The following CLNK variants were observed in gnomAD, a reference collection of about 807,000 sequenced individuals.
CLNK encodes cytokine dependent hematopoietic cell linker, also known as cytokine-dependent hematopoietic cell linker.
CLNK carries 74 observed loss-of-function variants against 68.6 expected under a neutral mutation model. The observed-to-expected ratio is 1.08, with a 90% confidence interval of 0.89 to 1.31. The LOEUF (loss-of-function observed/expected upper bound fraction) is 1.31, where lower values mean the gene tolerates loss of function less well. CLNK is among the 50% of genes most tolerant of loss of function. The probability of loss-of-function intolerance (pLI) is 0.00; values close to 1 mark genes in which losing one functional copy is unlikely to be tolerated. For synonymous variants in CLNK, 198 were observed against 172.2 expected, an observed-to-expected ratio of 1.15 and a Z score of -1.17; for missense variants, 553 against 515.3, an observed-to-expected ratio of 1.07 and a Z score of -0.71.
chr4:10,560,708 C>A (rs940250186), intron 7 of CLNK, among the ~76,000 whole-genome samples: 1 of 152,062 alleles, frequency 6.6e-6, no homozygotes, highest in Admixed American at 6.5e-5. Context: ...CCTCCCAAAA[C>A]GTGGGGACTA....
chr4:10,671,231 A>G (rs1724622820), intron 1 of CLNK, among the ~76,000 whole-genome samples: 1 of 152,096 alleles, frequency 6.6e-6, no homozygotes, highest in Non-Finnish European at 1.5e-5. Flanking sequence ...CTAAAAATAC[A>G]AAAACTGAGC....
chr4:10,697,772 G>C, the CLNK span: 2 of 152,120 alleles, frequency 1.3e-5, no homozygotes, highest in African/African-American at 4.8e-5. Flanking sequence ...CACTCTCCTG[G>C]GAACATTGAA....
intron 2 of CLNK, among the ~76,000 whole-genome samples, chr4:10,618,624 A>G (rs1296605523): frequency 6.6e-6 from 1 of 152,240 alleles, no homozygotes; most frequent in Non-Finnish European, 1.5e-5. Flanking sequence ...ACGGTTCTGC[A>G]GGCTGTACGG....
intron 2 of CLNK, among the ~76,000 whole-genome samples, chr4:10,601,440 C>T (rs906329813): frequency 1.3e-5 from 2 of 152,184 alleles, no homozygotes; most frequent in Admixed American, 6.5e-5. Flanking sequence ...TTGAAAATTA[C>T]TTACAAAGAG....
At chr4:10,574,108 T>A (rs1462658115) in intron 4 of CLNK, among the ~76,000 whole-genome samples, 1 of 152,214 alleles carries the variant, frequency 6.6e-6, no homozygotes, top group Non-Finnish European at 1.5e-5. Context: ...ATCTGTGTCA[T>A]CAGTGCAGAG....
chr4:10,652,842 T>C (rs2108883254), intron 2 of CLNK, among the ~76,000 whole-genome samples: 1 of 152,272 alleles, frequency 6.6e-6, no homozygotes, highest in East Asian at 1.9e-4. Context: ...ACATGGAATA[T>C]TGCAAAAAAA....
chr4:10,562,625 C>A (rs1318907089), intron 7 of CLNK, among the ~76,000 whole-genome samples: 1 of 152,098 alleles, frequency 6.6e-6, no homozygotes, highest in Admixed American at 6.6e-5. Flanking sequence ...AGGCTGGTCT[C>A]GAACTCCTGA....
intron 4 of CLNK, among the ~76,000 whole-genome samples, chr4:10,582,026 T>G (rs1459134846): frequency 6.6e-6 from 1 of 152,230 alleles, no homozygotes; most frequent in South Asian, 2.1e-4. Context: ...CTAGAAAATA[T>G]TCATTTTCAA....
intron 17 of CLNK, among the ~76,000 whole-genome samples, chr4:10,505,548 A>G (rs1487153553): frequency 1.3e-5 from 2 of 152,334 alleles, no homozygotes; most frequent in Admixed American, 6.5e-5. Context: ...TCAAAAGTCT[A>G]ACATGAATCT....
In CLNK at chr4:10,597,708, T is replaced by A. The variant is rs140549402; in HGVS notation, c.83+270A>T. Among the ~76,000 whole-genome samples the A allele has an allele frequency of 3.4e-3, 523 of 152,264 alleles. 5 individuals carry two copies. The highest frequency in any genetic ancestry group is 0.012 in the Admixed American group (190 of 15,304). Reference sequence around the variant, plus strand: ...CTCCATCACTGGCTCTCTCTGGGGTTGTTTAGAGACCTGGGAGGAGTGGGT... The same window carrying A: ...CTCCATCACTGGCTCTCTCTGGGGTAGTTTAGAGACCTGGGAGGAGTGGGT... On this transcript the variant is annotated intron_variant, in intron 3 of 18. Coordinates refer to ENST00000226951, the MANE Select transcript of CLNK (RefSeq NM_052964.4).
intron 2 of CLNK, among the ~76,000 whole-genome samples, chr4:10,620,026 GA>G (rs1450700480): frequency 6.6e-6 from 1 of 152,160 alleles, no homozygotes; most frequent in African/African-American, 2.4e-5. Context: ...AAGAATGTGA[GA>G]AATCTGTAGA....
chr4:10,675,892 C>T (rs1297067291), intron 1 of CLNK, among the ~76,000 whole-genome samples: 1 of 152,118 alleles, frequency 6.6e-6, no homozygotes, highest in African/African-American at 2.4e-5. Context: ...TTTCTTTTAT[C>T]ATTAAAACAG....
At chr4:10,692,016 C>G in the CLNK span, 1 of 151,842 alleles carries the variant, frequency 6.6e-6, no homozygotes, top group Non-Finnish European at 1.5e-5. Flanking sequence ...CTCATTCTCT[C>G]TCCCTGCCTC....
intron 18 of CLNK, among the ~76,000 whole-genome samples, chr4:10,491,990 G>T (rs17467252): frequency 0.16 from 24,354 of 152,086 alleles, 2,423 homozygotes; most frequent in South Asian, 0.27. Context: ...CTGATCAGGT[G>T]AGTTTGGATA....
At chr4:10,509,433 C>G (rs927360559) in intron 16 of CLNK, among the ~76,000 whole-genome samples, 2 of 152,168 alleles carry the variant, frequency 1.3e-5, no homozygotes, top group Non-Finnish European at 2.9e-5. Context: ...TAGACCAGAA[C>G]TGGCCCTACT....
chr4:10,568,408 T>A (rs1340712780), intron 5 of CLNK, among the ~76,000 whole-genome samples: 1 of 152,144 alleles, frequency 6.6e-6, no homozygotes, highest in Non-Finnish European at 1.5e-5. Flanking sequence ...CATTTTGAGA[T>A]GATAAAAATA....
At chr4:10,700,026 G>GTGTGTGTGTGTA in the CLNK span, among the ~76,000 whole-genome samples, 9 of 151,326 alleles carry the variant, frequency 5.9e-5, no homozygotes, top group African/African-American at 1.2e-4. Flanking sequence ...GTGTGTGTGT[G>GTGTGTGTGTGTA]TATATATATA....
intron 2 of CLNK, among the ~76,000 whole-genome samples, chr4:10,606,492 T>A (rs1035368481): frequency 2.0e-5 from 3 of 152,174 alleles, no homozygotes; most frequent in Admixed American, 6.5e-5. Context: ...AAGTATAGTC[T>A]AGTAAATATA....
chr4:10,729,708 T>A, the CLNK span, among the ~76,000 whole-genome samples: 2 of 152,254 alleles, frequency 1.3e-5, no homozygotes, highest in Admixed American at 6.5e-5. Context: ...GGTTTGCTCT[T>A]GATGTCCCTT....
Sources: gnomAD v4.1 joint callset for allele counts (sites outside exome capture counted in the v4.1 genomes callset) on GRCh38, gnomAD v4.1.1 for gene constraint, MANE v1.5 for transcripts, NCBI Gene and HGNC (gene_info 2026-07-23, HGNC 2026-07-21) for gene names.